The following NEK1 variants were observed in gnomAD, a reference collection of about 807,000 sequenced individuals.
The protein encoded by NEK1 is NIMA related kinase 1.
A neutral mutation model predicts 182.1 loss-of-function variants in NEK1; 137 were observed. That is an observed-to-expected ratio of 0.75 (90% CI 0.65 to 0.87). The LOEUF (loss-of-function observed/expected upper bound fraction) is 0.87, where lower values mean the gene tolerates loss of function less well. Ranked by LOEUF, NEK1 falls within the 40% of genes least tolerant of loss-of-function variation. The pLI is 0.00. For synonymous variants in NEK1, 513 were observed against 492.2 expected (o/e 1.04, Z -0.56); for missense variants, 1,391 against 1,494.4 (o/e 0.93, Z 1.14).
intron 28 of NEK1, among the ~76,000 whole-genome samples, chr4:169,434,085 T>C (rs1490304061): frequency 1.3e-5 from 2 of 151,800 alleles, no homozygotes; most frequent in Non-Finnish European, 2.9e-5. Flanking sequence ...AAAATTTCAA[T>C]CTTCAAAATC....
intron 35 of NEK1, among the ~76,000 whole-genome samples, chr4:169,396,446 A>G (rs1261552933): frequency 1.3e-5 from 2 of 149,920 alleles, no homozygotes; most frequent in East Asian, 4.0e-4. Context: ...ATGTGAGAAC[A>G]TGGTAGCCTC....
rs954589995 is a variant in NEK1 at position 169,556,030 on chromosome 4, T to A, written c.1332A>T (p.Glu444Asp). 1.4e-5 allele frequency: 22 copies of A among 1,613,632 alleles called. No homozygotes were observed. Among genetic ancestry groups the A allele is most frequent in the Non-Finnish European group, 1.9e-5 (22 of 1,179,798 alleles). Residue 444 changes from glutamate to aspartate, a missense_variant, in exon 17 of 36, where the codon GAA becomes GAT. Glu to Asp is a conservative substitution (Grantham distance 45, BLOSUM62 2). Coordinates refer to ENST00000507142, the MANE Select transcript of NEK1 (RefSeq NM_001199397.3). ...TTTGGTCAAAAATGGCATGGTAATG[T>A]TCATACTGTCCTCGAGAAGAAAAAG... ...PSSFSSRGQYEHYHAIFDQMQ... is the reference protein window; with the variant it reads ...PSSFSSRGQYDHYHAIFDQMQ...
intron 9 of NEK1, among the ~76,000 whole-genome samples, chr4:169,586,394 T>C (rs979464618): frequency 6.6e-6 from 1 of 152,104 alleles, no homozygotes; most frequent in Non-Finnish European, 1.5e-5. Flanking sequence ...TACACCTAAA[T>C]AGGAATCCTA....
intron 5 of NEK1, among the ~76,000 whole-genome samples, chr4:169,597,431 T>C (rs568790909): frequency 4.0e-4 from 61 of 151,960 alleles, no homozygotes; most frequent in Admixed American, 1.6e-3. Context: ...CTGGGCAATA[T>C]AGCAAGACCT....
chr4:169,490,893 C>G (rs1749937249), intron 23 of NEK1, among the ~76,000 whole-genome samples: 1 of 152,058 alleles, frequency 6.6e-6, no homozygotes, highest in Non-Finnish European at 1.5e-5. Context: ...CCTGTAATCC[C>G]AGCACTTTGG....
At chr4:169,457,791 G>C (rs1743195595) in intron 27 of NEK1, among the ~76,000 whole-genome samples, 2 of 150,868 alleles carry the variant, frequency 1.3e-5, no homozygotes, top group South Asian at 4.2e-4. Context: ...TAATTCAAGA[G>C]TACTGTCCTA....
chr4:169,521,582 TC>T (rs1756059514), intron 19 of NEK1, among the ~76,000 whole-genome samples: 1 of 152,274 alleles, frequency 6.6e-6, no homozygotes, highest in Non-Finnish European at 1.5e-5. Flanking sequence ...TCTCTTTTTA[TC>T]TCTTTGTCCT....
chr4:169,594,451 G>C (rs1196653897), intron 5 of NEK1, among the ~76,000 whole-genome samples: 1 of 152,180 alleles, frequency 6.6e-6, no homozygotes, highest in Non-Finnish European at 1.5e-5. Context: ...CCAGAAGAAA[G>C]TAAGCTTACC....
intron 27 of NEK1, among the ~76,000 whole-genome samples, chr4:169,453,263 A>T (rs1579775146): frequency 1.3e-5 from 2 of 152,222 alleles, no homozygotes; most frequent in Non-Finnish European, 2.9e-5. Context: ...ATTCAATGCC[A>T]TTCCCATCAA....
intron 27 of NEK1, among the ~76,000 whole-genome samples, chr4:169,458,212 T>C (rs1406050283): frequency 1.3e-5 from 2 of 151,908 alleles, no homozygotes; most frequent in African/African-American, 4.8e-5. Flanking sequence ...AGGAAAAAAG[T>C]TGAATGGAAT....
intron 23 of NEK1, among the ~76,000 whole-genome samples, chr4:169,493,835 A>C (rs566110057): frequency 1.6e-4 from 24 of 152,240 alleles, no homozygotes; most frequent in Non-Finnish European, 3.4e-4. Flanking sequence ...CTGAGAGAGA[A>C]AAACAGAAAG....
At chr4:169,441,125 T>G (rs1739369148) in intron 27 of NEK1, among the ~76,000 whole-genome samples, 1 of 152,152 alleles carries the variant, frequency 6.6e-6, no homozygotes, top group Admixed American at 6.5e-5. Context: ...GTGCAGCACA[T>G]TAGGAAGGCT....
At chr4:169,418,584 T>G (rs899108478) in intron 31 of NEK1, among the ~76,000 whole-genome samples, 3 of 151,960 alleles carry the variant, frequency 2.0e-5, no homozygotes, top group Non-Finnish European at 4.4e-5. Context: ...CTTCTAAAGA[T>G]AAAACACACA....
At chr4:169,439,845 CTTTTTTTTT>C (rs33985502) in intron 27 of NEK1, among the ~76,000 whole-genome samples, 1 of 116,384 alleles carries the variant, frequency 8.6e-6, no homozygotes, top group East Asian at 2.4e-4. Flanking sequence ...GTTAGGGTAT[CTTTTTTTTT>C]TTTTTTTTTT....
intron 18 of NEK1, among the ~76,000 whole-genome samples, chr4:169,545,868 C>T (rs1760338166): frequency 6.6e-6 from 1 of 152,044 alleles, no homozygotes. Context: ...AGTGTCTGTT[C>T]ATGTCCTTCG....
chr4:169,463,286 T>C lies in NEK1; in HGVS notation c.2544A>G (p.Leu848=), dbSNP rs766674898. 2 of 1,597,182 alleles carry C rather than the reference T, an allele frequency of 1.3e-6. No homozygotes were observed. The highest frequency in any genetic ancestry group is 1.3e-5 in the African/African-American group (1 of 74,560). ...TTTCTAATAGTTCTGTCTGAAGTTG[T>C]AGTTCAGCTTCTCCAAGTATCTTTA... is the stretch of plus-strand genomic sequence containing the variant. ...SVLKILGEAE[L]QLQTELLENT... Residue 848 remains leucine (L), a synonymous_variant, in exon 27 of 36, where the codon CTA becomes CTG. Coordinates refer to ENST00000507142, the MANE Select transcript of NEK1 (RefSeq NM_001199397.3).
chr4:169,509,055 C>G lies in NEK1; in HGVS notation c.1666-203G>C, dbSNP rs189739246. On this transcript the variant is annotated intron_variant, in intron 19 of 35. Coordinates refer to ENST00000507142, the MANE Select transcript of NEK1 (RefSeq NM_001199397.3). Reference sequence around the variant, plus strand: ...AGAACAGAAGGAAGCAATTAAGCCCCAAACATAATTATTCAAAACAGAGAC... The same window carrying G: ...AGAACAGAAGGAAGCAATTAAGCCCGAAACATAATTATTCAAAACAGAGAC... 3.3e-5 allele frequency among the ~76,000 whole-genome samples: 5 copies of G among 152,214 alleles called. No individual in the cohort carries two copies. The East Asian group carries it at 9.6e-4, about 29-fold the overall frequency.
chr4:169,457,401 G>A (rs1743096439), intron 27 of NEK1, among the ~76,000 whole-genome samples: 1 of 151,394 alleles, frequency 6.6e-6, no homozygotes, highest in African/African-American at 2.4e-5. Context: ...TGAGAGGAAA[G>A]GCAAAGATGA....
At chr4:169,459,923 G>T (rs1346607826) in intron 27 of NEK1, among the ~76,000 whole-genome samples, 1 of 152,144 alleles carries the variant, frequency 6.6e-6, no homozygotes, top group East Asian at 1.9e-4. Flanking sequence ...TCTTGGGGCA[G>T]CAAATTCTTG....
Sources: gnomAD v4.1 joint callset for allele counts (sites outside exome capture counted in the v4.1 genomes callset) on GRCh38, gnomAD v4.1.1 for gene constraint, MANE v1.5 for transcripts, NCBI Gene and HGNC (gene_info 2026-07-23, HGNC 2026-07-21) for gene names.